The following IFT81 variants were observed in gnomAD, a reference collection of about 807,000 sequenced individuals.
IFT81 encodes the protein intraflagellar transport protein 81 homolog.
In IFT81, 72 loss-of-function variants were observed where a neutral mutation model predicts 102.6. That is an observed-to-expected ratio of 0.70 (90% CI 0.58 to 0.85). IFT81 has a LOEUF of 0.85. Ranked by LOEUF, IFT81 falls within the 40% of genes least tolerant of loss-of-function variation. IFT81 has a pLI of 0.00. For missense variants in IFT81, 723 were observed against 787.3 expected (o/e 0.92, Z 0.98); for synonymous variants, 237 against 242.7 (o/e 0.98, Z 0.22).
intron 14 of IFT81, chr12:110,203,325 C>A (rs1429163025): frequency 6.5e-6 from 1 of 153,798 alleles, no homozygotes; most frequent in African/African-American, 2.4e-5. Context: ...TTATAAGTTT[C>A]TTAATTATTC....
At chr12:110,131,689 C>A (rs1189925007) in intron 4 of IFT81, among the ~76,000 whole-genome samples, 2 of 152,120 alleles carry the variant, frequency 1.3e-5, no homozygotes, top group Non-Finnish European at 2.9e-5. Flanking sequence ...GGGTTATGCA[C>A]TGTGCTAGGC....
At chr12:110,135,048 C>T (rs368274769) in intron 6 of IFT81, 35 bp downstream of exon 6, 71 of 1,471,254 alleles carry the variant, frequency 4.8e-5, no homozygotes, top group African/African-American at 4.0e-4. Flanking sequence ...ACTTTGGCCC[C>T]AAGTCCCAAG....
chr12:110,165,506 G>A (rs1896385352), intron 11 of IFT81, among the ~76,000 whole-genome samples: 1 of 152,146 alleles, frequency 6.6e-6, no homozygotes, highest in Admixed American at 6.5e-5. Context: ...TTGATAATTA[G>A]TGGCATGGTG....
intron 6 of IFT81, 87 bp downstream of exon 6, chr12:110,135,100 G>A (rs1020872143): frequency 3.9e-6 from 4 of 1,036,906 alleles, no homozygotes; most frequent in African/African-American, 3.2e-5. Flanking sequence ...ATTCAGCCAA[G>A]CATGAGTGTA....
At chr12:110,172,975 T>A (rs1368717111) in intron 11 of IFT81, among the ~76,000 whole-genome samples, 1 of 138,822 alleles carries the variant, frequency 7.2e-6, no homozygotes, top group Non-Finnish European at 1.6e-5. Context: ...AGCCGCCCTG[T>A]CCAGGAGGGA....
rs367926425 is a variant in IFT81 at position 110,163,677 on chromosome 12, G to A, written c.1188+612G>A. ...GTCGCCCAGGCTGGAGTGCAGTGGC[G>A]CGATCTTGGCTCCCTGCAACCTCTG... On this transcript the variant is annotated intron_variant, in intron 11 of 18. Transcript: ENST00000242591. Among the ~76,000 whole-genome samples the A allele has an allele frequency of 1.1e-4, 17 of 149,156 alleles. No homozygotes were observed. The East Asian group carries it at 1.2e-3, about 10-fold the overall frequency.
chr12:110,181,664 T>G (rs1239294458), intron 12 of IFT81, among the ~76,000 whole-genome samples: 4 of 152,268 alleles, frequency 2.6e-5, no homozygotes, highest in Non-Finnish European at 4.4e-5. Flanking sequence ...ATATCCCTGT[T>G]GATTTTTTGT....
At chr12:110,207,093 G>A (rs1409083378) in intron 17 of IFT81, among the ~76,000 whole-genome samples, 4 of 151,704 alleles carry the variant, frequency 2.6e-5, no homozygotes, top group East Asian at 1.9e-4. Flanking sequence ...GCAGTGGCAC[G>A]ATCTCGGCTC....
intron 12 of IFT81, among the ~76,000 whole-genome samples, chr12:110,181,026 A>G (rs539062244): frequency 2.9e-4 from 44 of 151,972 alleles, no homozygotes; most frequent in African/African-American, 1.0e-3. Flanking sequence ...AAAAAGTTAA[A>G]CCCAAAGTAG....
At chr12:110,178,896 C>T (rs376451851) in intron 11 of IFT81, among the ~76,000 whole-genome samples, 2 of 151,446 alleles carry the variant, frequency 1.3e-5, no homozygotes, top group Non-Finnish European at 2.9e-5. Flanking sequence ...GGATTATAGG[C>T]GTGAGCCACC....
At chr12:110,126,688 A>G (rs529784069) in intron 1 of IFT81, among the ~76,000 whole-genome samples, 3 of 152,352 alleles carry the variant, frequency 2.0e-5, no homozygotes, top group South Asian at 2.1e-4. Context: ...TTTGTGCGCA[A>G]TAAGGAGCAT....
intron 12 of IFT81, among the ~76,000 whole-genome samples, chr12:110,188,649 G>A (rs1897657976): frequency 6.6e-6 from 1 of 151,482 alleles, no homozygotes; most frequent in South Asian, 2.1e-4. Context: ...GTCAGGCTGG[G>A]CACGGTGGCT....
chr12:110,164,249 G>A (rs745586881), intron 11 of IFT81, among the ~76,000 whole-genome samples: 4 of 152,056 alleles, frequency 2.6e-5, no homozygotes, highest in Non-Finnish European at 4.4e-5. Context: ...AGACTCATAA[G>A]ATTAGTGGGA....
intron 10 of IFT81, among the ~76,000 whole-genome samples, chr12:110,152,631 T>A (rs1895605057): frequency 6.6e-6 from 1 of 151,824 alleles, no homozygotes; most frequent in Admixed American, 6.6e-5. Flanking sequence ...TTCTTAGAGA[T>A]AGGGTCTCAC....
chr12:110,162,781 G>T (rs538027148), intron 10 of IFT81, 138 bp from the exon 11 acceptor site: 4 of 645,292 alleles, frequency 6.2e-6, no homozygotes, highest in East Asian at 5.5e-5. Flanking sequence ...GAGTAGTAGG[G>T]CAAGGAGTAT....
Position 110,210,122 on chromosome 12 carries a change from C to A in IFT81, c.1848+906C>A, listed in dbSNP as rs1289906118. Among the ~76,000 whole-genome samples the A allele has an allele frequency of 2.0e-5, 3 of 152,210 alleles. No homozygotes were observed. In the East Asian group the frequency reaches 5.8e-4, roughly 29 times the overall value. The stretch of plus-strand genomic sequence containing the variant: ...TAAAGCAACCAATTTAACAAAGACA[C>A]CAGCTTTGCATTCTTAGGAGAAAAA... On this transcript the variant is annotated intron_variant, in intron 18 of 18. Coordinates refer to ENST00000242591, the MANE Select transcript of IFT81 (RefSeq NM_014055.4).
chr12:110,194,354 G>A (rs931543502), intron 14 of IFT81, among the ~76,000 whole-genome samples: 1 of 152,064 alleles, frequency 6.6e-6, no homozygotes. Flanking sequence ...CTTAGGAGCA[G>A]TTCTATAAAT....
intron 11 of IFT81, among the ~76,000 whole-genome samples, chr12:110,173,720 T>C (rs1416469127): frequency 4.6e-5 from 7 of 152,156 alleles, no homozygotes; most frequent in African/African-American, 1.2e-4. Context: ...TTAAATGGAT[T>C]AAGGGCAGTG....
intron 18 of IFT81, among the ~76,000 whole-genome samples, chr12:110,210,486 C>G (rs1159443106): frequency 6.6e-6 from 1 of 152,026 alleles, no homozygotes; most frequent in Non-Finnish European, 1.5e-5. Flanking sequence ...TATTTGTAAT[C>G]CCAGCATTTT....
Sources: gnomAD v4.1 joint callset for allele counts (sites outside exome capture counted in the v4.1 genomes callset) on GRCh38, gnomAD v4.1.1 for gene constraint, MANE v1.5 for transcripts, NCBI Gene and HGNC (gene_info 2026-07-23, HGNC 2026-07-21) for gene names.